CSMD1: variants seen among roughly 807,000 people sequenced by gnomAD.
CSMD1 encodes CUB and Sushi multiple domains 1, also known as CUB and sushi domain-containing protein 1.
CSMD1 carries 213 observed loss-of-function variants against 417.5 expected under a neutral mutation model. The ratio of observed to expected loss-of-function variants is 0.51; its 90% CI spans 0.46 to 0.57. The LOEUF is 0.57. Among genes scored for constraint, CSMD1 ranks in the 20% least tolerant of loss-of-function variants. CSMD1 has a pLI of 0.00. For synonymous variants in CSMD1, 2,862 were observed against 1,736.8 expected, an observed-to-expected ratio of 1.65 and a Z score of -16.11; for missense variants, 6,923 against 4,529.7, an observed-to-expected ratio of 1.53 and a Z score of -15.17.
intron 3 of CSMD1, among the ~76,000 whole-genome samples, chr8:4,297,662 G>C (rs893799115): frequency 1.3e-5 from 2 of 152,132 alleles, no homozygotes; most frequent in South Asian, 2.1e-4. Flanking sequence ...TTTGGATTTT[G>C]ACTACTTTCT....
intron 18 of CSMD1, among the ~76,000 whole-genome samples, chr8:3,377,901 ATCTC>A (rs1563326810): frequency 1.3e-5 from 2 of 152,220 alleles, no homozygotes; most frequent in Admixed American, 6.5e-5. Flanking sequence ...ATGTTATATT[ATCTC>A]TCTCTCTCTT....
At chr8:4,847,651 G>A (rs1801218546) in intron 1 of CSMD1, among the ~76,000 whole-genome samples, 2 of 151,952 alleles carry the variant, frequency 1.3e-5, no homozygotes, top group South Asian at 4.2e-4. Context: ...ATAACATTTA[G>A]ACATGGTTTC....
Position 4,455,526 on chromosome 8 carries a change from A to C in CSMD1, c.303-35461T>G, listed in dbSNP as rs137900952. Among the ~76,000 whole-genome samples the C allele has an allele frequency of 3.9e-4, 60 of 152,252 alleles. 1 individual carries two copies. In the East Asian group the frequency reaches 7.5e-3, roughly 19 times the overall value. ...CATTTGTCTCTGCAGCTGGACCAGAAACACATCATGGGCCTCACTTTATAG... is the reference window on the plus strand; with the variant it reads ...CATTTGTCTCTGCAGCTGGACCAGACACACATCATGGGCCTCACTTTATAG... On this transcript the variant is annotated intron_variant, in intron 2 of 69. Coordinates refer to ENST00000635120, the MANE Select transcript of CSMD1 (RefSeq NM_033225.6).
At chr8:4,766,736 A>G (rs1812491693) in intron 1 of CSMD1, among the ~76,000 whole-genome samples, 2 of 152,180 alleles carry the variant, frequency 1.3e-5, no homozygotes, top group Admixed American at 1.3e-4. Context: ...CACTAATCCT[A>G]CGGTGTTTCT....
rs112728799 is a variant in CSMD1 at position 3,384,021 on chromosome 8, G to A, written c.2782+3473C>T. Among the ~76,000 whole-genome samples, 4 of 152,172 alleles carry A rather than the reference G, an allele frequency of 2.6e-5. No individual in the cohort carries two copies. In the East Asian group the frequency reaches 7.7e-4, roughly 29 times the overall value. On this transcript the variant is annotated intron_variant, in intron 18 of 69. Coordinates refer to ENST00000635120, the MANE Select transcript of CSMD1 (RefSeq NM_033225.6). ...TTTATTTACATAACCACTAGTGCCA[G>A]ACAATTAAGGTTCAACCCTGGGAGG...
At chr8:3,822,513 A>G (rs1175982179) in intron 5 of CSMD1, among the ~76,000 whole-genome samples, 8 of 152,238 alleles carry the variant, frequency 5.3e-5, no homozygotes, top group Non-Finnish European at 8.8e-5. Context: ...ACTCATGCAC[A>G]GCAAAGTTAA....
At chr8:4,444,389 G>C (rs76154379) in intron 2 of CSMD1, among the ~76,000 whole-genome samples, 5 of 137,196 alleles carry the variant, frequency 3.6e-5, no homozygotes, top group East Asian at 4.1e-4. Flanking sequence ...AGAGGTTCTT[G>C]GAGTAGGTCA....
chr8:3,774,383 T>A (rs945859172), intron 5 of CSMD1, among the ~76,000 whole-genome samples: 17 of 152,282 alleles, frequency 1.1e-4, no homozygotes, highest in Admixed American at 1.1e-3. Context: ...CTCCCCGGGA[T>A]GCAAAACACA....
At chr8:4,037,450 T>C (rs2130612729) in intron 3 of CSMD1, among the ~76,000 whole-genome samples, 1 of 152,338 alleles carries the variant, frequency 6.6e-6, no homozygotes, top group African/African-American at 2.4e-5. Flanking sequence ...TCTTAGACCA[T>C]TTCAATGGTT....
chr8:3,391,003 G>A (rs765800215), intron 17 of CSMD1, among the ~76,000 whole-genome samples: 3 of 152,142 alleles, frequency 2.0e-5, no homozygotes, highest in South Asian at 2.1e-4. Flanking sequence ...ATTGAAACCT[G>A]AGCCTTTGCC....
chr8:4,014,705 T>A (rs1437185957), intron 4 of CSMD1, among the ~76,000 whole-genome samples: 1 of 152,214 alleles, frequency 6.6e-6, no homozygotes, highest in African/African-American at 2.4e-5. Context: ...GGAGCTAGAA[T>A]GACAAAGTCC....
intron 1 of CSMD1, among the ~76,000 whole-genome samples, chr8:4,966,009 G>A (rs985933417): frequency 6.6e-6 from 1 of 151,980 alleles, no homozygotes; most frequent in Non-Finnish European, 1.5e-5. Context: ...TCAGACTGAA[G>A]GATACTTTAT....
intron 2 of CSMD1, among the ~76,000 whole-genome samples, chr8:4,493,574 C>T (rs1801831768): frequency 1.3e-5 from 2 of 152,028 alleles, no homozygotes; most frequent in African/African-American, 4.8e-5. Flanking sequence ...GGGGCATGCA[C>T]CTGTAGTCCC....
intron 3 of CSMD1, among the ~76,000 whole-genome samples, chr8:4,308,904 A>G (rs10503249): frequency 0.54 from 81,455 of 152,064 alleles, 25,528 homozygotes; most frequent in Admixed American, 0.71. Context: ...AAATACTCAG[A>G]AAATATCAAA....
Position 3,575,008 on chromosome 8 carries a change from A to G in CSMD1, c.1281T>C (p.Tyr427=). The G allele has an allele frequency of 1.2e-6, 2 of 1,613,462 alleles. No homozygotes were observed. The highest frequency in any genetic ancestry group is 1.1e-5 in the South Asian group (1 of 91,052). ...GTGCATTATCTTCATACTGAACCGG[A>G]TAATTAGGGGAGGTAATGACGCCGC... is the stretch of plus-strand genomic sequence containing the variant. ...GPSGVITSPN[Y]PVQYEDNAHC... The change falls in exon 10 of 70, where the codon TAT becomes TAC. Residue 427 remains tyrosine, a synonymous_variant. Coordinates refer to ENST00000635120, the MANE Select transcript of CSMD1 (RefSeq NM_033225.6).
intron 1 of CSMD1, among the ~76,000 whole-genome samples, chr8:4,654,541 G>T (rs945989759): frequency 1.3e-5 from 2 of 152,062 alleles, no homozygotes; most frequent in Non-Finnish European, 2.9e-5. Context: ...GAGGCACAGT[G>T]GAGTTTAGAG....
intron 4 of CSMD1, among the ~76,000 whole-genome samples, chr8:4,027,778 G>C (rs921947093): frequency 2.0e-5 from 3 of 152,008 alleles, no homozygotes; most frequent in Non-Finnish European, 4.4e-5. Context: ...AAATAACATA[G>C]TAAAGGCAGA....
At chr8:4,369,762 T>C (rs926250034) in intron 3 of CSMD1, among the ~76,000 whole-genome samples, 4 of 152,174 alleles carry the variant, frequency 2.6e-5, no homozygotes, top group Non-Finnish European at 4.4e-5. Flanking sequence ...GCTACTCCTG[T>C]TTGTTCATTT....
chr8:4,158,884 G>A (rs1796987274), intron 3 of CSMD1, among the ~76,000 whole-genome samples: 1 of 152,118 alleles, frequency 6.6e-6, no homozygotes, highest in Admixed American at 6.5e-5. Context: ...GTTTACTACT[G>A]TTTCCAGCTG....
Sources: gnomAD v4.1 joint callset for allele counts (sites outside exome capture counted in the v4.1 genomes callset) on GRCh38, gnomAD v4.1.1 for gene constraint, MANE v1.5 for transcripts, NCBI Gene and HGNC (gene_info 2026-07-23, HGNC 2026-07-21) for gene names.